The following PIK3CD variants were observed in gnomAD, a reference collection of about 807,000 sequenced individuals.
PIK3CD encodes the protein phosphatidylinositol 4,5-bisphosphate 3-kinase catalytic subunit delta isoform.
PIK3CD carries 20 observed loss-of-function variants against 122.9 expected under a neutral mutation model. The ratio of observed to expected loss-of-function variants is 0.16; its 90% CI spans 0.11 to 0.24. The LOEUF is 0.24. Ranked by LOEUF, PIK3CD falls within the 10% of genes least tolerant of loss-of-function variation. The probability of loss-of-function intolerance (pLI) is 1.00; values close to 1 mark genes in which losing one functional copy is unlikely to be tolerated. For synonymous variants in PIK3CD, 596 were observed against 593.4 expected (o/e 1.00, Z -0.06); for missense variants, 787 against 1,406.3 (o/e 0.56, Z 7.04).
At position 9,721,887 on chromosome 1, in the gene PIK3CD, G is replaced by A. The variant is rs570034463; in HGVS notation, c.2055+27G>A. On this transcript the variant is annotated intron_variant, in intron 16 of 23. Transcript: ENST00000377346. ...TGAGGCCCAAGGCCCTGGGGGGCGG[G>A]CAGGGGGCGGCCCTGAGCGTCTGGG... 4.3e-6 allele frequency: 7 copies of A among 1,611,598 alleles called. 2 individuals carry two copies. The South Asian group carries it at 7.7e-5, about 18-fold the overall frequency.
At chr1:9,638,355 G>A in the PIK3CD span, among the ~76,000 whole-genome samples, 11 of 151,836 alleles carry the variant, frequency 7.2e-5, no homozygotes, top group Non-Finnish European at 1.5e-4. Context: ...TTCACTCCCT[G>A]TGCACTCATG....
intron 1 of PIK3CD, chr1:9,680,704 G>A (rs185531224): frequency 6.6e-6 from 1 of 152,458 alleles, no homozygotes; most frequent in Admixed American, 6.5e-5. Flanking sequence ...GCTGTTGTTT[G>A]TACTGACCAT....
At chr1:9,660,201 C>T (rs1236094878) in intron 1 of PIK3CD, among the ~76,000 whole-genome samples, 5 of 152,210 alleles carry the variant, frequency 3.3e-5, no homozygotes, top group South Asian at 2.1e-4. Flanking sequence ...CGTGAGCCAC[C>T]GCGCCTGGCC....
Position 9,720,462 on chromosome 1 carries a change from G to T in PIK3CD, c.1471-149G>T. 6.8e-7 allele frequency: 1 copy of T among 1,462,290 alleles called. No homozygotes were observed. The highest frequency in any genetic ancestry group is 9.2e-7 in the Non-Finnish European group (1 of 1,088,390). The allele number at this position is 1,462,290 out of a possible 1,614,324, so 90.6% of individuals were successfully genotyped here. A position where few individuals can be genotyped will look rare whatever the true frequency, so the allele number is the denominator to read the frequency against. ...CCAGGAGGGATGCTCTTGGCATCTC[G>T]TGAGTGGAGGCCAGAGCTGCTGTGG... On this transcript the variant is annotated intron_variant, in intron 11 of 23. Coordinates refer to ENST00000377346, the MANE Select transcript of PIK3CD (RefSeq NM_005026.5). The surrounding 1 kb of genome is among the most constrained non-coding windows in gnomAD (Gnocchi z 9.0).
In PIK3CD at chr1:9,723,642, A is replaced by G. The variant is rs999809316; in HGVS notation, c.2595-327A>G. On this transcript the variant is annotated intron_variant, in intron 20 of 23. Coordinates refer to ENST00000377346, the MANE Select transcript of PIK3CD (RefSeq NM_005026.5). The surrounding 1 kb of genome is among the most constrained non-coding windows in gnomAD (Gnocchi z 4.9). ...TCTCATCTGGTGCCTTAACTGGGCC[A>G]GTGGGGTCTGAGATAACCCATCTCA... Among the ~76,000 whole-genome samples, 1 of 152,192 alleles carries G rather than the reference A, an allele frequency of 6.6e-6. No homozygotes were observed. The highest frequency in any genetic ancestry group is 1.5e-5 in the Non-Finnish European group (1 of 68,028).
At chr1:9,645,825 T>C in the PIK3CD span, among the ~76,000 whole-genome samples, 1 of 151,968 alleles carries the variant, frequency 6.6e-6, no homozygotes, top group South Asian at 2.1e-4. Flanking sequence ...AGCATGGTCG[T>C]GAACCCCTGA....
In PIK3CD at chr1:9,700,857, G is replaced by A. The variant is rs1646599976; in HGVS notation, c.-33+9286G>A. ...CTCCCATCTCCCAAGCCCAAACCTG[G>A]CTGTCATCCTCACTTCCTCCTGCAC... On this transcript the variant is annotated intron_variant, in intron 2 of 23. Transcript: ENST00000377346. This position sits in a 1 kb window ranked among gnomAD's most constrained non-coding sequence, Gnocchi z 5.1. Among the ~76,000 whole-genome samples, 1 of 151,996 alleles carries A rather than the reference G, an allele frequency of 6.6e-6. No homozygotes were observed. Among genetic ancestry groups the A allele is most frequent in the Non-Finnish European group, 1.5e-5 (1 of 67,998 alleles).
At position 9,705,534 on chromosome 1, in the gene PIK3CD, C is replaced by G. The variant is rs563581607; in HGVS notation, c.-32-4890C>G. 1.5e-3 allele frequency among the ~76,000 whole-genome samples: 223 copies of G among 151,760 alleles called. 2 individuals are homozygous for G. The highest frequency in any genetic ancestry group is 1.6e-3 in the Non-Finnish European group (111 of 67,954). On this transcript the variant is annotated intron_variant, in intron 2 of 23. Coordinates refer to ENST00000377346, the MANE Select transcript of PIK3CD (RefSeq NM_005026.5). ...CAAAACAGCAACAACAAAAAACCTT[C>G]TACTCACCAAAAAGACACCATAAGC...
chr1:9,721,172 G>A lies in PIK3CD; in HGVS notation c.1735G>A (p.Ala579Thr), dbSNP rs1255847906. Reference protein sequence around the residue: ...CSWPELPVLSALELLDFSFPD... With the variant: ...CSWPELPVLSTLELLDFSFPD... ...CTGGCCGGAGCTGCCCGTCCTGAGC[G>A]CCCTGGAGCTGCTAGACTTCAGCTT... The change falls in exon 14 of 24, where the codon GCC (alanine) becomes ACC (threonine). Residue 579 changes from alanine (A) to threonine (T), a missense_variant. Physicochemically the swap from Ala to Thr is moderately conservative, Grantham distance 58. Around this residue, in one of 6 missense-constraint regions of PIK3CD, gnomAD observed 592 missense variants for 920.6 expected, o/e 0.64. Coordinates refer to ENST00000377346, the MANE Select transcript of PIK3CD (RefSeq NM_005026.5). The A allele has an allele frequency of 6.8e-6, 11 of 1,612,994 alleles. No individual in the cohort carries two copies. The highest frequency in any genetic ancestry group is 5.3e-5 in the African/African-American group (4 of 74,904).
At chr1:9,675,175 G>T (rs1645476677) in intron 1 of PIK3CD, among the ~76,000 whole-genome samples, 1 of 151,672 alleles carries the variant, frequency 6.6e-6, no homozygotes, top group Non-Finnish European at 1.5e-5. Context: ...CACGAGGTCA[G>T]GAGATCGAGA....
chr1:9,721,631 T>C (rs779904471), intron 15 of PIK3CD, 44 bp downstream of exon 15: 32 of 1,610,848 alleles, frequency 2.0e-5, no homozygotes, highest in Non-Finnish European at 2.5e-5. Context: ...TCCCAGCCCC[T>C]GAGTCTCCCT....
Position 9,715,846 on chromosome 1 carries a change from C to T in PIK3CD, c.371-3C>T, listed in dbSNP as rs113176101. 5,169 of 1,611,486 alleles carry T rather than the reference C, an allele frequency of 3.2e-3. 156 individuals are homozygous for T. In the African/African-American group the frequency reaches 0.058, roughly 18 times the overall value. ...CGCTGACCCAGCCCTCCCCACCCCG[C>T]AGGCCTCCACGAGTTTGACTCCTTG... On this transcript the variant is annotated splice_polypyrimidine_tract_variant and splice_region_variant and intron_variant, in intron 4 of 23. Transcript: ENST00000377346. This position sits in a 1 kb window ranked among gnomAD's most constrained non-coding sequence, Gnocchi z 4.1.
chr1:9,650,322 T>C (rs1644648488), upstream of PIK3CD, among the ~76,000 whole-genome samples: 1 of 152,108 alleles, frequency 6.6e-6, no homozygotes, highest in Non-Finnish European at 1.5e-5. Flanking sequence ...CTCAGGAGGC[T>C]GAGGCAGGAG....
chr1:9,685,595 G>C (rs1645936338), intron 1 of PIK3CD, among the ~76,000 whole-genome samples: 1 of 152,122 alleles, frequency 6.6e-6, no homozygotes, highest in Non-Finnish European at 1.5e-5. Flanking sequence ...CTGACCTCAG[G>C]TGATCCGCCC....
chr1:9,638,694 T>C, the PIK3CD span, among the ~76,000 whole-genome samples: 1 of 126,056 alleles, frequency 7.9e-6, no homozygotes, highest in African/African-American at 3.1e-5. Context: ...ATTGCACCAC[T>C]GCACTCCAGC....
chr1:9,713,897 G>C (rs1336819077), intron 3 of PIK3CD, among the ~76,000 whole-genome samples: 1 of 145,238 alleles, frequency 6.9e-6, no homozygotes, highest in Non-Finnish European at 1.5e-5. Context: ...CTGTCATCCA[G>C]GCTGTAGTGC....
intron 3 of PIK3CD, among the ~76,000 whole-genome samples, chr1:9,713,548 C>T (rs531127070): frequency 2.0e-5 from 3 of 151,790 alleles, no homozygotes; most frequent in East Asian, 1.9e-4. Flanking sequence ...TCTGAGTTAA[C>T]GGTATAACAT....
intron 1 of PIK3CD, among the ~76,000 whole-genome samples, chr1:9,679,226 C>A (rs1242222717): frequency 6.6e-6 from 1 of 152,008 alleles, no homozygotes; most frequent in Non-Finnish European, 1.5e-5. Context: ...TGCCACCATG[C>A]CTGGCTAATT....
chr1:9,691,723 G>A (rs1646204075), intron 2 of PIK3CD, 152 bp downstream of exon 2: 2 of 389,996 alleles, frequency 5.1e-6, no homozygotes, highest in Non-Finnish European at 9.0e-6. Flanking sequence ...GGAAGAGAGT[G>A]ACCCAAATTG....
Sources: allele counts gnomAD v4.1 joint callset (sites outside exome capture counted in the v4.1 genomes callset), GRCh38; gene constraint gnomAD v4.1.1; regional missense constraint gnomAD v4.1.1; non-coding constraint Gnocchi (gnomAD v3.1); transcripts MANE v1.5; gene names NCBI Gene and HGNC (gene_info 2026-07-23, HGNC 2026-07-21).